SYTL2: variants seen among roughly 807,000 people sequenced by gnomAD.
SYTL2 encodes synaptotagmin-like protein 2.
A neutral mutation model predicts 198.7 loss-of-function variants in SYTL2; 165 were observed. The ratio of observed to expected loss-of-function variants is 0.83; its 90% CI spans 0.73 to 0.94. The LOEUF (loss-of-function observed/expected upper bound fraction) is 0.94, where lower values mean the gene tolerates loss of function less well. Ranked by LOEUF, SYTL2 falls within the 40% of genes least tolerant of loss-of-function variation. The pLI, the probability that SYTL2 is intolerant of heterozygous loss-of-function variation, is 0.00. For synonymous variants in SYTL2, 966 were observed against 917.7 expected, an observed-to-expected ratio of 1.05 and a Z score of -0.95; for missense variants, 2,835 against 2,582.8, an observed-to-expected ratio of 1.10 and a Z score of -2.12.
At position 85,718,667 on chromosome 11, in the gene SYTL2, C is replaced by A. The variant is rs571626346; in HGVS notation, c.5482+123G>T. Reference sequence around the variant, plus strand: ...GAACTGTTTTATAGTAACTTAGGCACTATTCACCACATAGTGGCAAATGAC... The same window carrying A: ...GAACTGTTTTATAGTAACTTAGGCAATATTCACCACATAGTGGCAAATGAC... On this transcript the variant is annotated intron_variant, in intron 10 of 19. Coordinates refer to ENST00000359152, the MANE Select transcript of SYTL2 (RefSeq NM_206927.4). 2.3e-5 allele frequency: 18 copies of A among 783,058 alleles called. No homozygotes were observed. The Admixed American group carries it at 3.6e-4, about 16-fold the overall frequency. 48.5% of individuals were successfully genotyped at this position (783,058 alleles called of 1,614,324 possible). A position where few individuals can be genotyped will look rare whatever the true frequency, so the allele number is the denominator to read the frequency against.
At chr11:85,720,990 AC>A in intron 8 of SYTL2, 31 bp from the exon 9 acceptor site, 1 of 1,355,290 alleles carries the variant, frequency 7.4e-7, no homozygotes, top group Admixed American at 1.9e-5. Flanking sequence ...TGAACACTGC[AC>A]AATACCAAAA....
Position 85,725,652 on chromosome 11 carries a change from T to A in SYTL2, c.3706A>T (p.Ile1236Phe). Reference protein sequence around the residue: ...SPLQAKLAPVITGTNSKLEEG... With the variant: ...SPLQAKLAPVFTGTNSKLEEG... ...TCCAGCTTAGAGTTGGTTCCAGTGATAACAGGCGCCAACTTGGCTTGCAAG... is the reference window on the plus strand; with the variant it reads ...TCCAGCTTAGAGTTGGTTCCAGTGAAAACAGGCGCCAACTTGGCTTGCAAG... The change falls in exon 8 of 20, where the codon ATC (isoleucine) becomes TTC (phenylalanine). Residue 1236 changes from isoleucine (I) to phenylalanine (F), a missense_variant. Physicochemically the swap from Ile to Phe is conservative, Grantham distance 21 (BLOSUM62 0). This residue lies in a region of SYTL2 where 2,645 missense variants were observed against 2,381.7 expected (regional missense o/e 1.11). Transcript: ENST00000359152. 1 of 1,614,132 alleles carries A rather than the reference T, an allele frequency of 6.2e-7. No individual in the cohort carries two copies. The highest frequency in any genetic ancestry group is 8.5e-7 in the Non-Finnish European group (1 of 1,180,020).
rs1565924288 is a variant in SYTL2, at chr11:85,725,350, AT to A, written c.4007del (p.Asp1336ValfsTer21). On this transcript the variant is annotated frameshift_variant, in exon 8 of 20. Transcript: ENST00000359152. LOFTEE classifies it high-confidence loss of function. ...SPPQDMLFPQ[D>X]AHLVPQARVH... is the part of the protein sequence containing the mutation. Reference sequence around the variant, plus strand: ...CCCTAGCCTGGGGAACAAGATGAGCATCCTGGGGAAAAAGCATATCTTGGGG... The same window carrying A: ...CCCTAGCCTGGGGAACAAGATGAGCACCTGGGGAAAAAGCATATCTTGGGG... 4 of 1,613,968 alleles carry A rather than the reference AT, an allele frequency of 2.5e-6. No individual in the cohort carries two copies. In the South Asian group the frequency reaches 4.4e-5, roughly 18 times the overall value.
chr11:85,783,534 C>T (rs1379808634), intron 1 of SYTL2, among the ~76,000 whole-genome samples: 2 of 152,002 alleles, frequency 1.3e-5, no homozygotes, highest in Non-Finnish European at 2.9e-5. Context: ...GCAAACTAGG[C>T]AAAAATAGTT....
intron 2 of SYTL2, among the ~76,000 whole-genome samples, chr11:85,751,124 C>T (rs543166877): frequency 3.3e-5 from 5 of 152,290 alleles, no homozygotes; most frequent in African/African-American, 1.2e-4. Flanking sequence ...GAAAGGGTTT[C>T]TGGCTCACTT....
In SYTL2 at chr11:85,736,575, C is replaced by T; in HGVS notation, c.512G>A (p.Gly171Asp). 1 of 1,606,306 alleles carries T rather than the reference C, an allele frequency of 6.2e-7. No individual in the cohort carries two copies. Among genetic ancestry groups the T allele is most frequent in the East Asian group, 2.2e-5 (1 of 44,708 alleles). Residue 171 changes from glycine (G) to aspartate (D), a missense_variant, in exon 6 of 20, where the codon GGT (glycine) becomes GAT (aspartate). Transcript: ENST00000359152. ...ATTTTTAGTTTGTTGTGATGAGTGACCTTCTGGCAACTTGGAGCTATTAAA... is the reference window on the plus strand; with the variant it reads ...ATTTTTAGTTTGTTGTGATGAGTGATCTTCTGGCAACTTGGAGCTATTAAA... Reference protein sequence around the residue: ...NPFNSSKLPEGHSSQQTKNEQ... With the variant: ...NPFNSSKLPEDHSSQQTKNEQ...
intron 1 of SYTL2, among the ~76,000 whole-genome samples, chr11:85,794,180 T>A (rs371709605): frequency 8.8e-4 from 134 of 151,768 alleles, no homozygotes; most frequent in African/African-American, 3.1e-3. Context: ...AGATTTAAAT[T>A]TTTTTTTCTT....
intron 1 of SYTL2, among the ~76,000 whole-genome samples, chr11:85,805,610 G>C (rs1277210050): frequency 6.6e-6 from 1 of 152,204 alleles, no homozygotes; most frequent in South Asian, 2.1e-4. Flanking sequence ...CCAGGCTCCT[G>C]TGGCCGGGAG....
chr11:85,777,812 CTTTTTTTTTTTTT>C (rs57873368), intron 1 of SYTL2, among the ~76,000 whole-genome samples: 1 of 63,290 alleles, frequency 1.6e-5, no homozygotes, highest in Non-Finnish European at 2.9e-5. Flanking sequence ...GGTCTTACTT[CTTTTTTTTTTTTT>C]TTTTTTTTTT....
rs1179004035 is a variant in SYTL2 at position 85,757,608 on chromosome 11, C to T, written c.101+17G>A. 2 of 1,612,392 alleles carry T rather than the reference C, an allele frequency of 1.2e-6. No homozygotes were observed. Among genetic ancestry groups the T allele is most frequent in the African/African-American group, 1.3e-5 (1 of 74,868 alleles). Reference sequence around the variant, plus strand: ...CCTCTTCCTTCCCTCATGCCCAAGGCTTCTCTGGCCTCTTACCTGACTCTC... The same window carrying T: ...CCTCTTCCTTCCCTCATGCCCAAGGTTTCTCTGGCCTCTTACCTGACTCTC... On this transcript the variant is annotated intron_variant, in intron 2 of 19. Transcript: ENST00000359152.
chr11:85,734,865 T>C (rs2090182741), intron 6 of SYTL2, 123 bp from the exon 7 acceptor site: 1 of 776,844 alleles, frequency 1.3e-6, no homozygotes, highest in Non-Finnish European at 2.0e-6. Flanking sequence ...GTAAAGTATG[T>C]GGCACAACTA....
the SYTL2 span, among the ~76,000 whole-genome samples, chr11:85,832,190 C>T: frequency 1.3e-5 from 2 of 152,174 alleles, no homozygotes; most frequent in Non-Finnish European, 2.9e-5. Context: ...TATTGGGCAT[C>T]TATCATTGCC....
rs771552031 is a variant in SYTL2, at chr11:85,734,504, C to T, written c.825G>A (p.Lys275=). 1 of 1,614,202 alleles carries T rather than the reference C, an allele frequency of 6.2e-7. No individual in the cohort carries two copies. The highest frequency in any genetic ancestry group is 2.2e-5 in the East Asian group (1 of 44,880). Residue 275 remains lysine, a synonymous_variant, in exon 7 of 20, where the codon AAG becomes AAA. Coordinates refer to ENST00000359152, the MANE Select transcript of SYTL2 (RefSeq NM_206927.4). Reference sequence around the variant, plus strand: ...CTGTGCTACTGGAACTGGAGTTGCGCTTGAGGATCCCTCTCGGAGCCCCTC... The same window carrying T: ...CTGTGCTACTGGAACTGGAGTTGCGTTTGAGGATCCCTCTCGGAGCCCCTC... The part of the protein sequence containing the change: ...KARGAPRGIL[K]RNSSSSSTDS...
chr11:85,694,694 T>C lies in SYTL2; in HGVS notation c.*501A>G, dbSNP rs2083183272. On this transcript the variant is annotated 3_prime_UTR_variant, in exon 20 of 20. Coordinates refer to ENST00000359152, the MANE Select transcript of SYTL2 (RefSeq NM_206927.4). ...CCATATTTTATTAGAGATTACAGAG[T>C]AAATAGTTTCTTAAGGTCCATTTTT... 1 of 140,160 alleles carries C rather than the reference T, an allele frequency of 7.1e-6. No individual in the cohort carries two copies. Among genetic ancestry groups the C allele is most frequent in the Non-Finnish European group, 1.5e-5 (1 of 64,964 alleles). 8.7% of individuals were successfully genotyped at this position (140,160 alleles called of 1,614,324 possible). A position where few individuals can be genotyped will look rare whatever the true frequency, so the allele number is the denominator to read the frequency against.
chr11:85,822,495 A>G, the SYTL2 span, among the ~76,000 whole-genome samples: 1 of 151,874 alleles, frequency 6.6e-6, no homozygotes, highest in Non-Finnish European at 1.5e-5. Context: ...TCCAAATTAG[A>G]TGAACCCCTG....
At chr11:85,735,308 C>T (rs1289407266) in intron 6 of SYTL2, among the ~76,000 whole-genome samples, 9 of 151,962 alleles carry the variant, frequency 5.9e-5, no homozygotes, top group Non-Finnish European at 8.8e-5. Flanking sequence ...ACACCCAATA[C>T]AGAAAGTTTT....
chr11:85,729,086 A>G (rs2089538834), intron 7 of SYTL2, among the ~76,000 whole-genome samples: 1 of 152,216 alleles, frequency 6.6e-6, no homozygotes, highest in East Asian at 1.9e-4. Context: ...CCAGATTCAT[A>G]AAGCAAGTTC....
At chr11:85,750,451 G>C (rs2091445324) in intron 2 of SYTL2, among the ~76,000 whole-genome samples, 2 of 152,146 alleles carry the variant, frequency 1.3e-5, no homozygotes, top group Admixed American at 6.6e-5. Context: ...TAACTCAGGA[G>C]GGCACAGTTA....
In SYTL2 at chr11:85,773,127, C is replaced by T. The variant is rs534591599; in HGVS notation, c.-389-15013G>A. ...GCCATGAGTGTTTCACTTTCCTTTC[C>T]TTTCCTTGGCCTCAGTTTCCACATC... On this transcript the variant is annotated intron_variant, in intron 1 of 19. Coordinates refer to ENST00000359152, the MANE Select transcript of SYTL2 (RefSeq NM_206927.4). 7.2e-5 allele frequency among the ~76,000 whole-genome samples: 11 copies of T among 152,308 alleles called. No individual in the cohort carries two copies. The South Asian group carries it at 2.3e-3, about 32-fold the overall frequency.
Sources: allele counts gnomAD v4.1 joint callset (sites outside exome capture counted in the v4.1 genomes callset), GRCh38; gene constraint gnomAD v4.1.1; regional missense constraint gnomAD v4.1.1; transcripts MANE v1.5; gene names NCBI Gene and HGNC (gene_info 2026-07-23, HGNC 2026-07-21).